Variants in CPS1 observed in about 807,000 individuals in gnomAD.
CPS1 encodes the protein carbamoyl-phosphate synthase [ammonia], mitochondrial.
CPS1 carries 109 observed loss-of-function variants against 174.6 expected under a neutral mutation model. That is an observed-to-expected ratio of 0.62 (90% CI 0.53 to 0.73). CPS1 has a LOEUF of 0.73. Ranked by LOEUF, CPS1 falls within the 30% of genes least tolerant of loss-of-function variation. The pLI is 0.00. For missense variants in CPS1, 1,689 were observed against 1,821.9 expected (o/e 0.93, Z 1.33); for synonymous variants, 637 against 632.0 (o/e 1.01, Z -0.12).
intron 33 of CPS1, among the ~76,000 whole-genome samples, chr2:210,667,593 A>T (rs998968460): frequency 6.6e-6 from 1 of 152,044 alleles, no homozygotes. Flanking sequence ...GTAGCAGGAT[A>T]TTTTGTTTCA....
At chr2:210,609,855 CA>C (rs1181181626) in intron 19 of CPS1, among the ~76,000 whole-genome samples, 2 of 151,762 alleles carry the variant, frequency 1.3e-5, no homozygotes, top group African/African-American at 4.8e-5. Flanking sequence ...AATCTGTCAC[CA>C]ATACAGGGAA....
intron 1 of CPS1, among the ~76,000 whole-genome samples, chr2:210,543,600 A>C (rs1696487939): frequency 6.6e-6 from 1 of 152,116 alleles, no homozygotes; most frequent in Non-Finnish European, 1.5e-5. Context: ...AAAACAGCCT[A>C]CTTTATTCCT....
At chr2:210,579,529 A>G (rs1697837509) in intron 4 of CPS1, among the ~76,000 whole-genome samples, 185 bp from the exon 5 acceptor site, 1 of 152,162 alleles carries the variant, frequency 6.6e-6, no homozygotes, top group Non-Finnish European at 1.5e-5. Context: ...TAAGAGTCCT[A>G]TGCCTAACTG....
At chr2:210,645,787 T>C (rs1006686777) in intron 25 of CPS1, among the ~76,000 whole-genome samples, 3 of 152,144 alleles carry the variant, frequency 2.0e-5, no homozygotes, top group South Asian at 2.1e-4. Context: ...ATGTATTTGC[T>C]AGATAAGGGA....
intron 18 of CPS1, among the ~76,000 whole-genome samples, chr2:210,607,162 C>T (rs1209403316): frequency 1.3e-5 from 2 of 152,042 alleles, no homozygotes; most frequent in East Asian, 3.9e-4. Flanking sequence ...GCAGGCTAAT[C>T]TAAACGAATC....
chr2:210,641,420 C>T (rs1169987239), intron 24 of CPS1, among the ~76,000 whole-genome samples: 1 of 152,162 alleles, frequency 6.6e-6, no homozygotes, highest in African/African-American at 2.4e-5. Context: ...GCCACTACAG[C>T]TAGCAAGCTT....
intron 31 of CPS1, 45 bp from the exon 32 acceptor site, chr2:210,660,440 T>C (rs1574654055): frequency 6.4e-7 from 1 of 1,568,514 alleles, no homozygotes; most frequent in Non-Finnish European, 8.8e-7. Context: ...TTGTTGTTAC[T>C]GGCTCTCAAT....
intron 1 of CPS1, among the ~76,000 whole-genome samples, chr2:210,495,815 G>A (rs958500693): frequency 1.3e-4 from 20 of 152,200 alleles, no homozygotes; most frequent in African/African-American, 4.6e-4. Flanking sequence ...TTGTCACCGA[G>A]CATAGAATTC....
At position 210,551,110 on chromosome 2, in the gene CPS1, C is replaced by G. The variant is rs114023767; in HGVS notation, c.4-5609C>G. Among the ~76,000 whole-genome samples, 975 of 151,894 alleles carry G rather than the reference C, an allele frequency of 6.4e-3. 7 individuals are homozygous for G. The highest frequency in any genetic ancestry group is 0.022 in the African/African-American group (918 of 41,478). On this transcript the variant is annotated intron_variant, in intron 1 of 38. Transcript: ENST00000430249. ...TGGCTCATTTCCATATAAATCAATC[C>G]TCTACAACTTTTATTTATTTACAGC...
intron 1 of CPS1, among the ~76,000 whole-genome samples, chr2:210,571,855 TTGTG>T (rs71043997): frequency 0.043 from 5,989 of 138,968 alleles, 98 homozygotes; most frequent in Non-Finnish European, 0.057. Flanking sequence ...CTACTAAAGT[TTGTG>T]TGTGTGTGTG....
chr2:210,664,795 C>T (rs545847540), intron 33 of CPS1, among the ~76,000 whole-genome samples: 2 of 152,108 alleles, frequency 1.3e-5, no homozygotes, highest in African/African-American at 2.4e-5. Context: ...TTGAAAGAGT[C>T]GTTAATTCCA....
rs1382268921 is a variant in CPS1 at position 210,674,477 on chromosome 2, AAAAAACC to A, written c.4102-419_4102-413del. Reference sequence around the variant, plus strand: ...AGAGCAAAAAACCCCATCTCAAAAAAAAAAACCAAAAAAAAAAAAAAGAAATAAGAGC... The same window carrying A: ...AGAGCAAAAAACCCCATCTCAAAAAAAAAAAAAAAAAAAAGAAATAAGAGC... On this transcript the variant is annotated intron_variant, in intron 34 of 37. Transcript: ENST00000233072. 7.6e-4 allele frequency: 113 copies of A among 147,922 alleles called. 1 individual carries two copies. Among genetic ancestry groups the A allele is most frequent in the South Asian group, 2.2e-3 (12 of 5,446 alleles). 9.2% of individuals were successfully genotyped at this position (147,922 alleles called of 1,614,324 possible).
chr2:210,602,642 C>A (rs1234158238), intron 16 of CPS1, among the ~76,000 whole-genome samples: 1 of 151,894 alleles, frequency 6.6e-6, no homozygotes, highest in Non-Finnish European at 1.5e-5. Context: ...TCCTTTGTTT[C>A]AAAATCTACT....
At chr2:210,489,593 G>A (rs1244135679) in intron 1 of CPS1, among the ~76,000 whole-genome samples, 1 of 152,110 alleles carries the variant, frequency 6.6e-6, no homozygotes, top group South Asian at 2.1e-4. Flanking sequence ...GGTCACAGGA[G>A]CAAGTAAATA....
Position 210,592,939 on chromosome 2 carries a change from G to T in CPS1, c.1147G>T (p.Gly383Trp). Residue 383 changes from glycine to tryptophan, a missense_variant, in exon 11 of 38, where the codon GGG becomes TGG. By Grantham distance (184) the Gly-to-Trp change is radical (BLOSUM62 -2). Transcript: ENST00000233072. Reference sequence around the variant, plus strand: ...GCAGTTCCACCCAGAGGTCACCCCGGGGCCAATAGACACTGAGGTACGTCA... The same window carrying T: ...GCAGTTCCACCCAGAGGTCACCCCGTGGCCAATAGACACTGAGGTACGTCA... ...AVQFHPEVTP[G>W]PIDTEYLFDS... 4 of 1,612,238 alleles carry T rather than the reference G, an allele frequency of 2.5e-6. No individual in the cohort carries two copies. Among genetic ancestry groups the T allele is most frequent in the Non-Finnish European group, 3.4e-6 (4 of 1,178,892 alleles).
At chr2:210,604,140 C>G (rs1053321144) in intron 16 of CPS1, among the ~76,000 whole-genome samples, 10 of 151,808 alleles carry the variant, frequency 6.6e-5, no homozygotes, top group African/African-American at 1.7e-4. Flanking sequence ...TTGAGAACCT[C>G]ATCGTGGGCA....
intron 1 of CPS1, among the ~76,000 whole-genome samples, chr2:210,483,883 T>C (rs948726403): frequency 1.3e-5 from 2 of 152,200 alleles, no homozygotes; most frequent in African/African-American, 4.8e-5. Context: ...CTGAATTATA[T>C]TTTCTGATTT....
At chr2:210,483,934 A>G (rs944392635) in intron 1 of CPS1, among the ~76,000 whole-genome samples, 39 of 152,282 alleles carry the variant, frequency 2.6e-4, no homozygotes, top group African/African-American at 9.1e-4. Context: ...CCATTTACTT[A>G]TTCTTCAGAT....
chr2:210,523,376 T>G (rs1307072405), intron 1 of CPS1, among the ~76,000 whole-genome samples: 1 of 152,028 alleles, frequency 6.6e-6, no homozygotes, highest in Non-Finnish European at 1.5e-5. Context: ...TTTTGTATAA[T>G]GTATTTTGTA....
Sources: allele counts gnomAD v4.1 joint callset (sites outside exome capture counted in the v4.1 genomes callset), GRCh38; gene constraint gnomAD v4.1.1; transcripts MANE v1.5; gene names NCBI Gene and HGNC (gene_info 2026-07-23, HGNC 2026-07-21).